Variants in DHX8 observed in about 807,000 individuals in gnomAD.
DHX8 encodes the protein ATP-dependent RNA helicase DHX8.
A neutral mutation model predicts 140.7 loss-of-function variants in DHX8; 67 were observed. The observed-to-expected ratio is 0.48, with a 90% CI of 0.39 to 0.58. The LOEUF (loss-of-function observed/expected upper bound fraction) is 0.58, where lower values mean the gene tolerates loss of function less well. Ranked by LOEUF, DHX8 falls within the 20% of genes least tolerant of loss-of-function variation. DHX8 has a pLI of 0.00. For missense variants in DHX8, 887 were observed against 1,550.7 expected, an observed-to-expected ratio of 0.57 and a Z score of 7.19; for synonymous variants, 533 against 553.2, an observed-to-expected ratio of 0.96 and a Z score of 0.51.
At chr17:43,500,954 C>T in intron 11 of DHX8, among the ~76,000 whole-genome samples, 1 of 151,878 alleles carries the variant, frequency 6.6e-6, no homozygotes. Context: ...TTTGAAGCTT[C>T]CTTTTTCATA....
downstream of DHX8, chr17:43,530,218 G>A: frequency 6.4e-7 from 1 of 1,552,176 alleles, no homozygotes. Flanking sequence ...GAAGTGGCTT[G>A]GGGTGGAGCT....
At chr17:43,542,168 T>C (rs1222722327) in intron 3 of DHX8, among the ~76,000 whole-genome samples, 1 of 152,130 alleles carries the variant, frequency 6.6e-6, no homozygotes, top group Non-Finnish European at 1.5e-5. Context: ...GGAGCGCAGA[T>C]CGATCGATCC....
chr17:43,500,249 C>T (rs1387547014), intron 11 of DHX8, 146 bp downstream of exon 11: 1 of 859,992 alleles, frequency 1.2e-6, no homozygotes, highest in Admixed American at 2.9e-5. Flanking sequence ...CTTTGGGAGG[C>T]CAAGGCAGGT....
In DHX8 at chr17:43,520,287, TC is replaced by T. The variant is rs1043087275; in HGVS notation, c.2937+22del. ...CGCCGGGTAAGGGACAGACTCAACT[TC>T]CTGTGCTTTTGGGAAGATTCCCTGG... On this transcript the variant is annotated intron_variant, in intron 19 of 22. Coordinates refer to ENST00000262415, the MANE Select transcript of DHX8 (RefSeq NM_004941.3). The T allele has an allele frequency of 6.2e-7, 1 of 1,611,162 alleles. No individual in the cohort carries two copies. The highest frequency in any genetic ancestry group is 1.7e-5 in the Admixed American group (1 of 59,716).
intron 9 of DHX8, among the ~76,000 whole-genome samples, 174 bp from the exon 10 acceptor site, chr17:43,498,688 A>C (rs1321042752): frequency 6.6e-6 from 1 of 152,114 alleles, no homozygotes; most frequent in Non-Finnish European, 1.5e-5. Context: ...ACCTCAAGTG[A>C]TCCTCCTGCC....
At chr17:43,486,301 T>A (rs547272116) in intron 1 of DHX8, among the ~76,000 whole-genome samples, 2 of 152,316 alleles carry the variant, frequency 1.3e-5, no homozygotes, top group African/African-American at 4.8e-5. Context: ...TATATTTGCT[T>A]CTTTTATGTT....
chr17:43,496,145 G>A (rs777413587), intron 8 of DHX8, 36 bp from the exon 9 acceptor site: 1 of 1,520,562 alleles, frequency 6.6e-7, no homozygotes, highest in South Asian at 1.2e-5. Context: ...TTTGATCTTA[G>A]CAGGTTACAA....
intron 16 of DHX8, 96 bp downstream of exon 16, chr17:43,508,616 GT>G: frequency 1.6e-6 from 1 of 633,076 alleles, no homozygotes; most frequent in South Asian, 2.3e-5. Flanking sequence ...GTGTATGCAA[GT>G]CTTTTTTTTT....
downstream of DHX8, chr17:43,526,680 C>G: frequency 3.9e-6 from 6 of 1,522,628 alleles, no homozygotes; most frequent in Non-Finnish European, 5.3e-6. Context: ...CAGCTAACTC[C>G]CTCTCTCTTC....
Position 43,492,689 on chromosome 17 carries a change from C to A in DHX8, c.512C>A (p.Thr171Lys). 6.4e-7 allele frequency: 1 copy of A among 1,555,940 alleles called. No homozygotes were observed. The highest frequency in any genetic ancestry group is 8.9e-7 in the Non-Finnish European group (1 of 1,127,150). ...GCTTATTGATTTGTTAGGGACAGGA[C>A]AAAGAAGAAGAAGCGGAGTCGAAGC... is the stretch of plus-strand genomic sequence containing the variant. ...KQRDAEHRDRTKKKKRSRSRD... is the reference protein window; with the variant it reads ...KQRDAEHRDRKKKKKRSRSRD... The change falls in exon 6 of 23, where the codon ACA (threonine) becomes AAA (lysine). Residue 171 changes from threonine (T) to lysine (K), a missense_variant. Physicochemically the swap from Thr to Lys is moderately conservative, Grantham distance 78. Transcript: ENST00000262415.
intron 17 of DHX8, among the ~76,000 whole-genome samples, chr17:43,513,739 G>C (rs934059637): frequency 1.0e-5 from 1 of 97,760 alleles, no homozygotes; most frequent in African/African-American, 3.9e-5. Flanking sequence ...TTGAGACTAA[G>C]TTTCACTCTT....
intron 1 of DHX8, 147 bp from the exon 2 acceptor site, chr17:43,489,302 G>A: frequency 1.7e-6 from 1 of 593,788 alleles, no homozygotes; most frequent in Non-Finnish European, 2.9e-6. Context: ...ACCACACCTG[G>A]CCAGATTTTC....
intron 2 of DHX8, chr17:43,533,323 C>T (rs922785239): frequency 3.1e-6 from 5 of 1,613,336 alleles, no homozygotes; most frequent in East Asian, 2.2e-5. Flanking sequence ...GACTTGATGG[C>T]GATTTGTCTG....
At chr17:43,501,734 C>G (rs374292386) in intron 11 of DHX8, among the ~76,000 whole-genome samples, 1 of 151,598 alleles carries the variant, frequency 6.6e-6, no homozygotes, top group East Asian at 1.9e-4. Context: ...ATCCCCCCCC[C>G]ATCTCAGCCT....
intron 9 of DHX8, among the ~76,000 whole-genome samples, chr17:43,496,788 A>T (rs1432463956): frequency 6.6e-6 from 1 of 151,910 alleles, no homozygotes; most frequent in Non-Finnish European, 1.5e-5. Flanking sequence ...AAAAAAAAAA[A>T]GCTTTCAGGA....
chr17:43,508,027 GA>G lies in DHX8; in HGVS notation c.2320+13del. ...ATTTAACAGAACCACCAGGTAAGGG[GA>G]AAAAGCAATTTTCCTTTTTGGGAGG... On this transcript the variant is annotated intron_variant, in intron 15 of 22. Transcript: ENST00000262415. 1.2e-6 allele frequency: 2 copies of G among 1,611,264 alleles called. No individual in the cohort carries two copies. The highest frequency in any genetic ancestry group is 1.7e-6 in the Non-Finnish European group (2 of 1,178,948).
chr17:43,523,618 C>T lies in DHX8; in HGVS notation c.3444-10C>T, dbSNP rs57190812. The T allele has an allele frequency of 1.6e-3, 2,559 of 1,613,690 alleles. 45 individuals carry two copies. In the Admixed American group the frequency reaches 0.026, roughly 16 times the overall value. On this transcript the variant is annotated splice_polypyrimidine_tract_variant and intron_variant, in intron 22 of 22. Transcript: ENST00000262415. The stretch of plus-strand genomic sequence containing the variant: ...CCAGAGGCTTGAGTACTATCTCTGT[C>T]CCCCCTCAGGGTGGTGTACCATGAG...
chr17:43,526,162 G>A (rs1048132764), downstream of DHX8: 12 of 985,198 alleles, frequency 1.2e-5, no homozygotes, highest in Middle Eastern at 1.0e-3. Flanking sequence ...ATGCAGAAGG[G>A]GAGCTTGCCT....
At position 43,513,348 on chromosome 17, in the gene DHX8, C is replaced by G; in HGVS notation, c.2503-14C>G. On this transcript the variant is annotated splice_polypyrimidine_tract_variant and intron_variant, in intron 16 of 22. Coordinates refer to ENST00000262415, the MANE Select transcript of DHX8 (RefSeq NM_004941.3). ...CTGGGCACCTCACTCCAGCTTTGCC[C>G]CTCTTGCCTGCAGGTTGTGATTGCC... 6.2e-7 allele frequency: 1 copy of G among 1,611,436 alleles called. No individual in the cohort carries two copies. Among genetic ancestry groups the G allele is most frequent in the Non-Finnish European group, 8.5e-7 (1 of 1,178,664 alleles).
Sources: gnomAD v4.1 joint callset for allele counts (sites outside exome capture counted in the v4.1 genomes callset) on GRCh38, gnomAD v4.1.1 for gene constraint, MANE v1.5 for transcripts, NCBI Gene and HGNC (gene_info 2026-07-23, HGNC 2026-07-21) for gene names.